The following ASPH variants were observed in gnomAD, a reference collection of about 807,000 sequenced individuals.
ASPH encodes aspartyl/asparaginyl beta-hydroxylase.
A neutral mutation model predicts 118.4 loss-of-function variants in ASPH; 100 were observed. The ratio of observed to expected loss-of-function variants is 0.84; its 90% CI spans 0.72 to 1.00. ASPH has a LOEUF of 1.00. ASPH is among the 50% of genes least tolerant of loss of function. The pLI, the probability that ASPH is intolerant of heterozygous loss-of-function variation, is 0.00. For missense variants in ASPH, 920 were observed against 919.5 expected, an observed-to-expected ratio of 1.00 and a Z score of -0.01; for synonymous variants, 315 against 325.6, an observed-to-expected ratio of 0.97 and a Z score of 0.35.
intron 24 of ASPH, among the ~76,000 whole-genome samples, chr8:61,508,886 T>TG (rs1387893361): frequency 1.3e-5 from 2 of 152,186 alleles, no homozygotes; most frequent in Non-Finnish European, 2.9e-5. Context: ...ACTGTGTCAA[T>TG]AAGAATATTT....
intron 3 of ASPH, among the ~76,000 whole-genome samples, chr8:61,674,724 T>C (rs1428646161): frequency 6.6e-6 from 1 of 152,202 alleles, no homozygotes; most frequent in Admixed American, 6.5e-5. Context: ...ACAATTTAAA[T>C]TTGTCATAGT....
In ASPH at chr8:61,579,496, C is replaced by G. The variant is rs1409350058; in HGVS notation, c.1063-2638G>C. 1.0e-5 allele frequency: 16 copies of G among 1,584,882 alleles called. 1 individual carries two copies. The Admixed American group carries it at 1.2e-4, about 12-fold the overall frequency. On this transcript the variant is annotated intron_variant, in intron 15 of 24. Coordinates refer to ENST00000379454, the MANE Select transcript of ASPH (RefSeq NM_004318.4). ...GGCTATGCAGGTGGTCTGAGCTCGG[C>G]CTATGGGGGCCTCACAAGCCCCGGC...
intron 24 of ASPH, among the ~76,000 whole-genome samples, chr8:61,505,142 G>A (rs1805959328): frequency 6.6e-6 from 1 of 152,032 alleles, no homozygotes; most frequent in Admixed American, 6.6e-5. Context: ...AGATCTGATG[G>A]TTTCATCAGG....
At chr8:61,526,173 G>A in intron 21 of ASPH, 61 bp from the exon 22 acceptor site, 1 of 1,591,554 alleles carries the variant, frequency 6.3e-7, no homozygotes, top group Non-Finnish European at 8.5e-7. Context: ...ACCTCATAAT[G>A]ACTCTTGTTT....
chr8:61,632,739 A>T (rs1856151715), intron 13 of ASPH: 1 of 346,718 alleles, frequency 2.9e-6, no homozygotes. Context: ...CATATAACTA[A>T]ATATATTCTT....
intron 13 of ASPH, among the ~76,000 whole-genome samples, chr8:61,622,635 T>C (rs1461044460): frequency 2.0e-5 from 3 of 152,184 alleles, no homozygotes; most frequent in Admixed American, 6.5e-5. Context: ...CATCACCTAT[T>C]ACTAGTTAGT....
At chr8:61,712,742 A>G (rs1254802759) in intron 1 of ASPH, among the ~76,000 whole-genome samples, 1 of 152,194 alleles carries the variant, frequency 6.6e-6, no homozygotes, top group Admixed American at 6.5e-5. Flanking sequence ...CGTGAGACAC[A>G]TTTCCCAGTA....
intron 20 of ASPH, among the ~76,000 whole-genome samples, chr8:61,550,388 T>C (rs1825506072): frequency 6.6e-6 from 1 of 151,818 alleles, no homozygotes; most frequent in African/African-American, 2.4e-5. Context: ...TATATCAATG[T>C]TGTCTCTACT....
chr8:61,699,029 T>C (rs572871333), intron 1 of ASPH, among the ~76,000 whole-genome samples: 34 of 152,316 alleles, frequency 2.2e-4, no homozygotes, highest in African/African-American at 6.7e-4. Context: ...CCTGGGGGCT[T>C]TGGCCACTGG....
At position 61,702,864 on chromosome 8, in the gene ASPH, A is replaced by G. The variant is rs537771661; in HGVS notation, c.103+11405T>C. 7.8e-4 allele frequency among the ~76,000 whole-genome samples: 119 copies of G among 152,312 alleles called. 1 individual carries two copies. The highest frequency in any genetic ancestry group is 2.8e-3 in the African/African-American group (115 of 41,568). ...GTATGGAAGGAGAAAAACCAAATAT[A>G]TAATATCAATAGGTGCAGAGAAAAT... On this transcript the variant is annotated intron_variant, in intron 1 of 24. Transcript: ENST00000379454.
intron 1 of ASPH, among the ~76,000 whole-genome samples, chr8:61,690,251 A>G (rs1260133388): frequency 6.6e-6 from 1 of 152,236 alleles, no homozygotes; most frequent in Non-Finnish European, 1.5e-5. Context: ...ATAGTAAGAA[A>G]TTAATCAATG....
intron 14 of ASPH, among the ~76,000 whole-genome samples, chr8:61,597,196 G>T: frequency 8.9e-6 from 1 of 112,798 alleles, no homozygotes; most frequent in Admixed American, 9.5e-5. Flanking sequence ...ATCCAGTCAG[G>T]AAAAAAAAAA....
chr8:61,622,388 A>G (rs1268210390), intron 13 of ASPH, among the ~76,000 whole-genome samples: 1 of 152,212 alleles, frequency 6.6e-6, no homozygotes, highest in African/African-American at 2.4e-5. Context: ...CTCGTGTTCC[A>G]GCCACTGCGC....
chr8:61,615,591 G>T (rs1417086886), intron 14 of ASPH, among the ~76,000 whole-genome samples: 1 of 152,156 alleles, frequency 6.6e-6, no homozygotes, highest in African/African-American at 2.4e-5. Context: ...GAACACGAAT[G>T]ACTGTTTGAA....
intron 3 of ASPH, chr8:61,662,684 G>T (rs4354302): frequency 0.49 from 125,830 of 258,844 alleles, 30,985 homozygotes; most frequent in East Asian, 0.52. Context: ...AAAGAGAAGG[G>T]GAAAAGAAGA....
chr8:61,639,653 T>G (rs1695273974), intron 10 of ASPH, among the ~76,000 whole-genome samples: 1 of 152,302 alleles, frequency 6.6e-6, no homozygotes, highest in African/African-American at 2.4e-5. Context: ...CAGAGCTTGG[T>G]CCTGATGACC....
chr8:61,520,109 G>A (rs1384883568), intron 22 of ASPH, among the ~76,000 whole-genome samples: 2 of 152,118 alleles, frequency 1.3e-5, no homozygotes, highest in Non-Finnish European at 2.9e-5. Context: ...TAAAGAATAG[G>A]ATTTAAATGA....
chr8:61,665,082 A>T, intron 3 of ASPH: 21 of 1,392,970 alleles, frequency 1.5e-5, no homozygotes, highest in Non-Finnish European at 1.9e-5. Context: ...TAGAAGTATG[A>T]GACGGTATAT....
At chr8:61,713,924 C>A (rs1232835802) in intron 1 of ASPH, among the ~76,000 whole-genome samples, 1 of 152,188 alleles carries the variant, frequency 6.6e-6, no homozygotes, top group African/African-American at 2.4e-5. Context: ...GCAAGGCAAA[C>A]GATAAATTGT....
Sources: allele counts gnomAD v4.1 joint callset (sites outside exome capture counted in the v4.1 genomes callset), GRCh38; gene constraint gnomAD v4.1.1; transcripts MANE v1.5; gene names NCBI Gene and HGNC (gene_info 2026-07-23, HGNC 2026-07-21).